Variants in GXYLT1 observed in about 807,000 individuals in gnomAD.
GXYLT1 encodes glycosyltransferase 8 domain containing 3.
Under a neutral mutation model 54.0 loss-of-function variants are expected in GXYLT1, and 29 were observed. The observed-to-expected ratio is 0.54, with a 90% CI of 0.40 to 0.73. The LOEUF is 0.73. Ranked by LOEUF, GXYLT1 falls within the 30% of genes least tolerant of loss-of-function variation. GXYLT1 has a pLI of 0.00. For synonymous variants in GXYLT1, 176 were observed against 204.1 expected (o/e 0.86, Z 1.17); for missense variants, 490 against 553.4 (o/e 0.89, Z 1.15).
At chr12:42,112,963 T>C (rs1001097776) in intron 3 of GXYLT1, among the ~76,000 whole-genome samples, 1 of 150,960 alleles carries the variant, frequency 6.6e-6, no homozygotes, top group Admixed American at 6.6e-5. Context: ...CAGAAGAGAG[T>C]GGGGACCAAC....
chr12:42,095,950 AG>A (rs1201198816), intron 7 of GXYLT1, among the ~76,000 whole-genome samples: 1 of 152,196 alleles, frequency 6.6e-6, no homozygotes, highest in Non-Finnish European at 1.5e-5. Context: ...AGCCATTTTT[AG>A]TAAGCTGGTT....
At position 42,097,966 on chromosome 12, in the gene GXYLT1, AGTTT is replaced by A; in HGVS notation, c.928_931del (p.Lys310Ter). ...ATCTTGATCACCCCATGTGATGTTT[AGTTT>A]GTATTTTTTAAGCAATGGCATAAGT... is the stretch of plus-strand genomic sequence containing the variant. On this transcript the variant is annotated frameshift_variant, in exon 6 of 8. Transcript: ENST00000398675. LOFTEE classifies it high-confidence loss of function. The A allele has an allele frequency of 5.6e-6, 9 of 1,604,798 alleles. No individual in the cohort carries two copies. Among genetic ancestry groups the A allele is most frequent in the Non-Finnish European group, 7.7e-6 (9 of 1,172,112 alleles).
intron 1 of GXYLT1, among the ~76,000 whole-genome samples, chr12:42,140,640 A>C (rs141284337): frequency 2.1e-4 from 32 of 152,316 alleles, no homozygotes; most frequent in African/African-American, 6.5e-4. Context: ...CTCAGTATAT[A>C]ACACTAGTAT....
rs1403336648 is a variant in GXYLT1, at chr12:42,081,881, T to C, written c.*5905A>G. On this transcript the variant is annotated 3_prime_UTR_variant, in exon 8 of 8. Coordinates refer to ENST00000398675, the MANE Select transcript of GXYLT1 (RefSeq NM_173601.2). Reference sequence around the variant, plus strand: ...AAAACGTTTATTGAGTAAATGTTTATTTAGTAACAGCAACACATAGTTTCT... The same window carrying C: ...AAAACGTTTATTGAGTAAATGTTTACTTAGTAACAGCAACACATAGTTTCT... 1.3e-5 allele frequency: 2 copies of C among 152,248 alleles called. No homozygotes were observed. The highest frequency in any genetic ancestry group is 4.8e-5 in the African/African-American group (2 of 41,460). The allele number at this position is 152,248 out of a possible 1,614,324, so 9.4% of individuals were successfully genotyped here. A position where few individuals can be genotyped will look rare whatever the true frequency, so the allele number is the denominator to read the frequency against.
At chr12:42,098,064 G>C in intron 5 of GXYLT1, 31 bp from the exon 6 acceptor site, 1 of 1,602,672 alleles carries the variant, frequency 6.2e-7, no homozygotes. Context: ...AAGAGCTTCA[G>C]ACTTTCAGGC....
intron 7 of GXYLT1, among the ~76,000 whole-genome samples, chr12:42,092,133 G>A (rs984959042): frequency 2.0e-5 from 3 of 152,170 alleles, no homozygotes; most frequent in Non-Finnish European, 1.5e-5. Context: ...GGATTATAGT[G>A]AAGTGTTTTT....
At position 42,108,889 on chromosome 12, in the gene GXYLT1, T is replaced by C. The variant is rs532908122; in HGVS notation, c.612+677A>G. ...TCCATGTATTTAAGCTGCAAAACTG[T>C]AAGTATTTAAATATCATAATGGTCT... On this transcript the variant is annotated intron_variant, in intron 4 of 7. Transcript: ENST00000398675. Among the ~76,000 whole-genome samples, 7 of 152,304 alleles carry C rather than the reference T, an allele frequency of 4.6e-5. No individual in the cohort carries two copies. In the South Asian group the frequency reaches 1.5e-3, roughly 32 times the overall value.
At chr12:42,088,386 G>GT (rs2065309773) in intron 7 of GXYLT1, among the ~76,000 whole-genome samples, 1 of 152,140 alleles carries the variant, frequency 6.6e-6, no homozygotes, top group Admixed American at 6.6e-5. Context: ...TGGGAGGAAT[G>GT]TAAGATGATA....
chr12:42,140,803 T>C (rs1344495077), intron 1 of GXYLT1, among the ~76,000 whole-genome samples: 1 of 152,218 alleles, frequency 6.6e-6, no homozygotes, highest in Non-Finnish European at 1.5e-5. Flanking sequence ...ATTTAGTAAT[T>C]TCTTGATTCC....
At chr12:42,113,408 A>G (rs1398547522) in intron 3 of GXYLT1, among the ~76,000 whole-genome samples, 2 of 151,114 alleles carry the variant, frequency 1.3e-5, no homozygotes, top group Non-Finnish European at 2.9e-5. Context: ...AGAGACACAC[A>G]TAGGCTCAAA....
In GXYLT1 at chr12:42,112,966, G is replaced by A. The variant is rs2065468195; in HGVS notation, c.487-3275C>T. On this transcript the variant is annotated intron_variant, in intron 3 of 7. Transcript: ENST00000398675. ...AACTCTACAAGCCAGAAGAGAGTGG[G>A]GACCAACATTCAACATTCTTAAAGA... Among the ~76,000 whole-genome samples the A allele has an allele frequency of 4.0e-5, 6 of 151,136 alleles. No individual in the cohort carries two copies. In the South Asian group the frequency reaches 1.2e-3, roughly 31 times the overall value.
intron 5 of GXYLT1, among the ~76,000 whole-genome samples, chr12:42,105,557 G>A (rs2065414135): frequency 6.6e-6 from 1 of 152,144 alleles, no homozygotes; most frequent in African/African-American, 2.4e-5. Flanking sequence ...AATCTAGGGA[G>A]AAGATGTTCA....
intron 5 of GXYLT1, 24 bp downstream of exon 5, chr12:42,105,794 C>A: frequency 6.4e-7 from 1 of 1,570,302 alleles, no homozygotes; most frequent in Non-Finnish European, 8.6e-7. Context: ...GAAATGTTAA[C>A]AACTACCTGT....
intron 1 of GXYLT1, among the ~76,000 whole-genome samples, chr12:42,139,513 T>C (rs2065639751): frequency 6.6e-6 from 1 of 152,178 alleles, no homozygotes; most frequent in Non-Finnish European, 1.5e-5. Flanking sequence ...TCTTCTACCA[T>C]GTGAGAACAC....
intron 1 of GXYLT1, among the ~76,000 whole-genome samples, chr12:42,142,354 T>G (rs75242318): frequency 6.6e-6 from 1 of 151,438 alleles, no homozygotes; most frequent in African/African-American, 2.4e-5. Context: ...TTTTTTTTTT[T>G]GAGACAGGAT....
intron 1 of GXYLT1, among the ~76,000 whole-genome samples, chr12:42,134,910 GTCTT>G (rs541623644): frequency 7.9e-5 from 12 of 152,256 alleles, no homozygotes; most frequent in South Asian, 4.1e-4. Flanking sequence ...GCATCAATTA[GTCTT>G]TCTTTCTCCT....
chr12:42,136,389 A>G (rs1481126084), intron 1 of GXYLT1, among the ~76,000 whole-genome samples: 1 of 152,244 alleles, frequency 6.6e-6, no homozygotes, highest in Non-Finnish European at 1.5e-5. Flanking sequence ...ACTCTATTAA[A>G]TAATTTTAAT....
chr12:42,112,189 GGGGAAAAAAAC>G (rs1028097379), intron 3 of GXYLT1, among the ~76,000 whole-genome samples: 9 of 152,066 alleles, frequency 5.9e-5, no homozygotes, highest in Non-Finnish European at 1.5e-5. Context: ...CCACAAAGAT[GGGGAAAAAAAC>G]AGAGCAGAAA....
At chr12:42,121,439 C>G (rs957306299) in intron 2 of GXYLT1, among the ~76,000 whole-genome samples, 1 of 152,056 alleles carries the variant, frequency 6.6e-6, no homozygotes, top group Non-Finnish European at 1.5e-5. Flanking sequence ...TGAGACCAAC[C>G]TGGGTAACAC....
Sources: gnomAD v4.1 joint callset for allele counts (sites outside exome capture counted in the v4.1 genomes callset) on GRCh38, gnomAD v4.1.1 for gene constraint, MANE v1.5 for transcripts, NCBI Gene and HGNC (gene_info 2026-07-23, HGNC 2026-07-21) for gene names.